Variants in BRWD3 observed in about 807,000 individuals in gnomAD.
The protein encoded by BRWD3 is bromodomain and WD repeat domain containing 3, also known as bromodomain and WD repeat-containing protein 3.
A neutral mutation model predicts 149.7 loss-of-function variants in BRWD3; 10 were observed. That is an observed-to-expected ratio of 0.07 (90% CI 0.04 to 0.11). The LOEUF is 0.11. BRWD3 is among the 10% of genes least tolerant of loss of function. The pLI is 1.00. For synonymous variants in BRWD3, 504 were observed against 456.7 expected (o/e 1.10, Z -1.32); for missense variants, 940 against 1,373.2 (o/e 0.68, Z 4.99).
At chrX:80,802,204 G>A (rs2074304675) in intron 4 of BRWD3, among the ~76,000 whole-genome samples, 1 of 111,036 alleles carries the variant, frequency 9.0e-6, no homozygotes, top group Non-Finnish European at 1.9e-5. Flanking sequence ...ACTTTAGGAG[G>A]TTGAGGTGGG....
At chrX:80,691,242 A>C in intron 30 of BRWD3, 69 bp from the exon 31 acceptor site, 1 of 1,083,321 alleles carries the variant, frequency 9.2e-7, no homozygotes, top group Middle Eastern at 2.5e-4. Flanking sequence ...ACAAACATTT[A>C]TTCATATATA....
chrX:80,774,149 T>C (rs952289241), intron 6 of BRWD3, among the ~76,000 whole-genome samples: 4 of 112,276 alleles, frequency 3.6e-5, no homozygotes, highest in Non-Finnish European at 7.5e-5. Flanking sequence ...CATTTCTGAT[T>C]CCCCCTGCCT....
chrX:80,719,386 G>C, intron 18 of BRWD3, 103 bp downstream of exon 18: 1 of 771,365 alleles, frequency 1.3e-6, no homozygotes. Flanking sequence ...TAATAAAAAA[G>C]TTTTTATTTA....
chrX:80,754,442 T>C (rs2073711785), intron 6 of BRWD3, among the ~76,000 whole-genome samples: 1 of 111,968 alleles, frequency 8.9e-6, no homozygotes, highest in Non-Finnish European at 1.9e-5. Context: ...TAAGACCATA[T>C]CATCAGCAAA....
At chrX:80,705,255 G>C (rs2072846718) in intron 22 of BRWD3, among the ~76,000 whole-genome samples, 1 of 104,330 alleles carries the variant, frequency 9.6e-6, no homozygotes, top group Non-Finnish European at 2.0e-5. Flanking sequence ...GACAGAGTGA[G>C]ACTCCATCTC....
intron 23 of BRWD3, among the ~76,000 whole-genome samples, chrX:80,704,373 C>A (rs1652935903): frequency 8.9e-6 from 1 of 111,837 alleles, no homozygotes; most frequent in Admixed American, 9.5e-5. Context: ...ATAATGTTGT[C>A]AGATAAAACT....
intron 14 of BRWD3, among the ~76,000 whole-genome samples, chrX:80,726,610 T>C (rs999706576): frequency 3.6e-5 from 4 of 110,199 alleles, no homozygotes; most frequent in Admixed American, 2.9e-4. Flanking sequence ...TCTAAAAAAA[T>C]GATCATATCC....
chrX:80,782,932 A>T (rs796537547), intron 6 of BRWD3, among the ~76,000 whole-genome samples: 1 of 110,179 alleles, frequency 9.1e-6, no homozygotes, highest in South Asian at 3.8e-4. Context: ...ACCAGAATGT[A>T]AAAGGAGCTC....
At chrX:80,719,397 TA>T in intron 18 of BRWD3, 91 bp downstream of exon 18, 1 of 872,655 alleles carries the variant, frequency 1.1e-6, no homozygotes, top group East Asian at 3.5e-5. Context: ...TTTTTATTTA[TA>T]AACGTAAAAT....
chrX:80,708,020 AC>A (rs1457810375), intron 21 of BRWD3, among the ~76,000 whole-genome samples: 1 of 111,962 alleles, frequency 8.9e-6, no homozygotes, highest in African/African-American at 3.2e-5. Flanking sequence ...GACCAAAAAA[AC>A]CATTTTAACC....
At position 80,685,488 on chromosome X, in the gene BRWD3, T is replaced by C. The variant is rs758800773; in HGVS notation, c.4054A>G (p.Arg1352Gly). The C allele has an allele frequency of 1.7e-6, 2 of 1,209,054 alleles. No homozygotes were observed. The highest frequency in any genetic ancestry group is 1.1e-6 in the Non-Finnish European group (1 of 893,516). ...GESSESVVPE[R>G]QQDSSLSEDY... ...TCAGAAAGAGATGAATCTTGTTGTC[T>C]TTCTGGAACAACAGACTCTGAGGAT... The change falls in exon 36 of 41, where the codon AGA becomes GGA. Residue 1352 changes from arginine (R) to glycine (G), a missense_variant. By Grantham distance (125) the Arg-to-Gly change is moderately radical (BLOSUM62 -2). Around this residue, in one of 6 missense-constraint regions of BRWD3, gnomAD observed 349 missense variants for 419.6 expected, o/e 0.83. Coordinates refer to ENST00000373275, the MANE Select transcript of BRWD3 (RefSeq NM_153252.5).
intron 6 of BRWD3, among the ~76,000 whole-genome samples, chrX:80,757,506 A>G (rs2147808418): frequency 8.9e-6 from 1 of 112,641 alleles, no homozygotes; most frequent in East Asian, 2.8e-4. Flanking sequence ...TATTTGAAGA[A>G]CTTTCCTTTT....
Position 80,709,567 on chromosome X carries a change from T to C in BRWD3, c.2336A>G (p.Glu779Gly). 1 of 1,207,931 alleles carries C rather than the reference T, an allele frequency of 8.3e-7. No homozygotes were observed. The highest frequency in any genetic ancestry group is 1.8e-5 in the South Asian group (1 of 56,558). Residue 779 changes from glutamate to glycine, a missense_variant, in exon 21 of 41, where the codon GAG (glutamate) becomes GGG (glycine). This residue lies in a region of BRWD3 where 103 missense variants were observed against 103.2 expected (regional missense o/e 1.00). Coordinates refer to ENST00000373275, the MANE Select transcript of BRWD3 (RefSeq NM_153252.5). ...GCGTAAAGAACGCCCACAGCTAGGC[T>C]CATAATCATTCTGTAAAAGAGAAGA... ...PSYTTQRNDY[E>G]PSCGRSLRRT...
At chrX:80,687,386 T>C (rs1230411285) in intron 34 of BRWD3, among the ~76,000 whole-genome samples, 1 of 111,734 alleles carries the variant, frequency 8.9e-6, no homozygotes, top group Non-Finnish European at 1.9e-5. Context: ...TGAATGATTT[T>C]TTTTCCCAGA....
At chrX:80,730,439 AAG>A (rs1481640982) in intron 12 of BRWD3, among the ~76,000 whole-genome samples, 1 of 110,066 alleles carries the variant, frequency 9.1e-6, no homozygotes, top group African/African-American at 3.3e-5. Flanking sequence ...GAAAGAAAGA[AAG>A]AAAGAAAGAC....
At chrX:80,716,022 C>A in intron 20 of BRWD3, 135 bp downstream of exon 20, 1 of 464,973 alleles carries the variant, frequency 2.2e-6, no homozygotes, top group Non-Finnish European at 3.7e-6. Context: ...CAATTTGTGG[C>A]TCAAAAAGTA....
At chrX:80,790,793 A>G (rs2074173172) in intron 6 of BRWD3, among the ~76,000 whole-genome samples, 1 of 112,033 alleles carries the variant, frequency 8.9e-6, no homozygotes, top group Non-Finnish European at 1.9e-5. Flanking sequence ...GAAAATAAGT[A>G]AATGCATGAA....
chrX:80,770,615 G>A (rs2073932271), intron 6 of BRWD3, among the ~76,000 whole-genome samples: 1 of 111,421 alleles, frequency 9.0e-6, no homozygotes, highest in South Asian at 3.7e-4. Flanking sequence ...AACAATACAA[G>A]CTACTTATGA....
At chrX:80,802,668 T>C (rs4567187) in intron 4 of BRWD3, among the ~76,000 whole-genome samples, 39,122 of 108,785 alleles carry the variant, frequency 0.36, 6,016 homozygotes, top group South Asian at 0.63. Context: ...TTCCCCACAA[T>C]AAATGGGAAA....
Sources: allele counts gnomAD v4.1 joint callset (sites outside exome capture counted in the v4.1 genomes callset), GRCh38; gene constraint gnomAD v4.1.1; regional missense constraint gnomAD v4.1.1; transcripts MANE v1.5; gene names NCBI Gene and HGNC (gene_info 2026-07-23, HGNC 2026-07-21).